Variants in TUSC3 observed in about 807,000 individuals in gnomAD.
The protein encoded by TUSC3 is dolichyl-diphosphooligosaccharide--protein glycosyltransferase subunit TUSC3.
Under a neutral mutation model 44.8 loss-of-function variants are expected in TUSC3, and 45 were observed. The observed-to-expected ratio is 1.00, with a 90% CI of 0.79 to 1.29. TUSC3 has a LOEUF of 1.29. Among genes scored for constraint, TUSC3 ranks in the 50% most tolerant of loss-of-function variants. The probability of loss-of-function intolerance (pLI) is 0.00; values close to 1 mark genes in which losing one functional copy is unlikely to be tolerated. For synonymous variants in TUSC3, 212 were observed against 152.9 expected, an observed-to-expected ratio of 1.39 and a Z score of -2.85; for missense variants, 519 against 437.9, an observed-to-expected ratio of 1.19 and a Z score of -1.65.
chr8:15,805,050 G>A, the TUSC3 span, among the ~76,000 whole-genome samples: 8 of 151,930 alleles, frequency 5.3e-5, no homozygotes, highest in East Asian at 1.9e-4. Context: ...TCACTTCCTC[G>A]GTTAGATGTA....
At position 15,500,396 on chromosome 8, in the gene TUSC3, T is replaced by A. The variant is rs79649556; in HGVS notation, n.189+16913T>A. 9.9e-3 allele frequency among the ~76,000 whole-genome samples: 1,511 copies of A among 152,338 alleles called. 21 individuals carry two copies. Among genetic ancestry groups the A allele is most frequent in the African/African-American group, 0.034 (1,433 of 41,568 alleles). On this transcript the variant is annotated intron_variant and non_coding_transcript_variant, in intron 2 of 5. Coordinates refer to the TUSC3 transcript ENST00000503191. Reference sequence around the variant, plus strand: ...CAAAGGTCCCATAGACTATTTTCCCTCTATAGTCATCACATTTTTAAAAAA... The same window carrying A: ...CAAAGGTCCCATAGACTATTTTCCCACTATAGTCATCACATTTTTAAAAAA...
Position 15,483,649 on chromosome 8 carries a change from A to ATTTTTTTTTTTTTTTTTTTTTTT in TUSC3, n.189+168_189+190dup, listed in dbSNP as rs60092911. On this transcript the variant is annotated intron_variant and non_coding_transcript_variant, in intron 2 of 5. Coordinates refer to the TUSC3 transcript ENST00000503191. ...CCGTCGTGCCCAGCCTAGCACTGTG[A>ATTTTTTTTTTTTTTTTTTTTTTT]TTTTTTTTTTTTTTTTTTTTTTTTG... 3.3e-4 allele frequency among the ~76,000 whole-genome samples: 22 copies of ATTTTTTTTTTTTTTTTTTTTTTT among 66,160 alleles called. 1 individual carries two copies. Among genetic ancestry groups the ATTTTTTTTTTTTTTTTTTTTTTT allele is most frequent in the South Asian group, 6.6e-4 (1 of 1,506 alleles). The allele number at this position is 66,160 out of a possible 152,430, so 43.4% of individuals were successfully genotyped here.
At chr8:15,634,366 G>A (rs1424983838) in intron 2 of TUSC3, among the ~76,000 whole-genome samples, 1 of 152,166 alleles carries the variant, frequency 6.6e-6, no homozygotes, top group Non-Finnish European at 1.5e-5. Context: ...GGAGTAGTTA[G>A]TTACTCCAAT....
At chr8:15,786,890 G>C in the TUSC3 span, among the ~76,000 whole-genome samples, 3 of 143,650 alleles carry the variant, frequency 2.1e-5, no homozygotes, top group African/African-American at 7.9e-5. Context: ...GTTGCAGTGA[G>C]CCGAGATCGT....
chr8:15,522,247 T>G (rs1172769055), intron 2 of TUSC3, among the ~76,000 whole-genome samples: 2 of 152,060 alleles, frequency 1.3e-5, no homozygotes, highest in African/African-American at 4.8e-5. Context: ...TTTTTTTTTT[T>G]TCTTTGAGAC....
At chr8:15,655,231 T>C (rs534074317) in intron 3 of TUSC3, among the ~76,000 whole-genome samples, 1 of 152,278 alleles carries the variant, frequency 6.6e-6, no homozygotes, top group African/African-American at 2.4e-5. Context: ...AGATGGTGAT[T>C]AGCAGCTTCC....
intron 2 of TUSC3, among the ~76,000 whole-genome samples, chr8:15,509,450 A>T (rs1436086112): frequency 6.6e-6 from 1 of 152,106 alleles, no homozygotes; most frequent in East Asian, 1.9e-4. Flanking sequence ...CTCTACTAAA[A>T]TATAAAAATT....
intron 1 of TUSC3, among the ~76,000 whole-genome samples, chr8:15,569,952 C>T (rs1802810715): frequency 6.6e-6 from 1 of 152,038 alleles, no homozygotes; most frequent in Admixed American, 6.6e-5. Flanking sequence ...TCAGTCACTT[C>T]ATCGCTTAAG....
the TUSC3 span, among the ~76,000 whole-genome samples, chr8:15,811,321 A>G: frequency 0.56 from 85,188 of 151,964 alleles, 25,972 homozygotes; most frequent in Non-Finnish European, 0.68. Flanking sequence ...TGTCCACATC[A>G]AGTGTCTATA....
At chr8:15,594,157 T>C (rs912098197) in intron 1 of TUSC3, among the ~76,000 whole-genome samples, 1 of 152,238 alleles carries the variant, frequency 6.6e-6, no homozygotes, top group African/African-American at 2.4e-5. Flanking sequence ...TAAATTTGTC[T>C]TTTTTATTTT....
chr8:15,429,481 A>T (rs1481730639), intron 1 of TUSC3, among the ~76,000 whole-genome samples: 1 of 151,126 alleles, frequency 6.6e-6, no homozygotes, highest in Non-Finnish European at 1.5e-5. Flanking sequence ...ATGAACTTCA[A>T]AGTAGTTTTT....
the TUSC3 span, among the ~76,000 whole-genome samples, chr8:15,819,921 G>T: frequency 6.6e-6 from 1 of 152,062 alleles, no homozygotes. Context: ...AAACATTCTT[G>T]TTAGTCATAT....
the TUSC3 span, among the ~76,000 whole-genome samples, chr8:15,821,917 A>T: frequency 6.6e-6 from 1 of 152,214 alleles, no homozygotes; most frequent in Non-Finnish European, 1.5e-5. Flanking sequence ...TGTTGAAATT[A>T]GACTATAGAC....
At chr8:15,709,656 T>A (rs1016008284) in intron 6 of TUSC3, among the ~76,000 whole-genome samples, 2 of 151,830 alleles carry the variant, frequency 1.3e-5, no homozygotes, top group African/African-American at 4.8e-5. Context: ...TTACCTTTAA[T>A]GTGTTAGGAG....
intron 2 of TUSC3, among the ~76,000 whole-genome samples, chr8:15,496,666 G>T (rs1244578523): frequency 6.6e-6 from 1 of 152,152 alleles, no homozygotes; most frequent in Non-Finnish European, 1.5e-5. Context: ...AACAGACCCT[G>T]AGAAACGCAT....
the TUSC3 span, among the ~76,000 whole-genome samples, chr8:15,849,569 T>A: frequency 6.6e-6 from 1 of 152,014 alleles, no homozygotes; most frequent in Non-Finnish European, 1.5e-5. Context: ...GGAGTTACAA[T>A]CTCCCCTGCA....
In TUSC3 at chr8:15,667,201, A is replaced by T. The variant is rs187645775; in HGVS notation, c.708+4905A>T. Among the ~76,000 whole-genome samples, 27 of 151,638 alleles carry T rather than the reference A, an allele frequency of 1.8e-4. No homozygotes were observed. The East Asian group carries it at 4.1e-3, about 23-fold the overall frequency. On this transcript the variant is annotated intron_variant, in intron 5 of 10. Transcript: ENST00000503731. The stretch of plus-strand genomic sequence containing the variant: ...ATCCTCAATGCATAATTTCCTTTCC[A>T]TGGAATTAAAGACTTAGTCTTAAGC...
chr8:15,741,066 T>C (rs1811173050), intron 7 of TUSC3, among the ~76,000 whole-genome samples: 1 of 152,202 alleles, frequency 6.6e-6, no homozygotes, highest in Admixed American at 6.5e-5. Flanking sequence ...AGGGATATGT[T>C]ATACTTGGGT....
At chr8:15,848,647 C>A in the TUSC3 span, among the ~76,000 whole-genome samples, 2 of 152,184 alleles carry the variant, frequency 1.3e-5, no homozygotes, top group Non-Finnish European at 2.9e-5. Context: ...TGGACTCAGA[C>A]AAAGTGGTAA....
Sources: allele counts gnomAD v4.1 joint callset (sites outside exome capture counted in the v4.1 genomes callset), GRCh38; gene constraint gnomAD v4.1.1; transcripts MANE v1.5; gene names NCBI Gene and HGNC (gene_info 2026-07-23, HGNC 2026-07-21).